The following DGKI variants were observed in gnomAD, a reference collection of about 807,000 sequenced individuals.
DGKI encodes the protein DAG kinase iota.
DGKI carries 55 observed loss-of-function variants against 147.5 expected under a neutral mutation model. That is an observed-to-expected ratio of 0.37 (90% CI 0.30 to 0.47). DGKI has a LOEUF of 0.47. Ranked by LOEUF, DGKI falls within the 20% of genes least tolerant of loss-of-function variation. DGKI has a pLI of 1.00. For missense variants in DGKI, 1,007 were observed against 1,323.8 expected (o/e 0.76, Z 3.71); for synonymous variants, 469 against 477.1 (o/e 0.98, Z 0.22).
intron 8 of DGKI, among the ~76,000 whole-genome samples, chr7:137,610,759 G>C (rs1820336708): frequency 6.6e-6 from 1 of 151,968 alleles, no homozygotes; most frequent in Non-Finnish European, 1.5e-5. Flanking sequence ...ATAATCTTTA[G>C]TATAAAGTAC....
chr7:137,737,478 TTGA>T (rs921595490), intron 1 of DGKI, among the ~76,000 whole-genome samples: 9 of 151,570 alleles, frequency 5.9e-5, no homozygotes, highest in Admixed American at 1.3e-4. Context: ...AGCAAAAACC[TTGA>T]TGATAATGGA....
intron 13 of DGKI, among the ~76,000 whole-genome samples, 173 bp from the exon 14 acceptor site, chr7:137,585,519 A>T (rs894443525): frequency 6.6e-6 from 1 of 152,260 alleles, no homozygotes; most frequent in African/African-American, 2.4e-5. Flanking sequence ...TACTATAAGT[A>T]AGATACATAG....
At chr7:137,692,748 C>CT (rs1321701240) in intron 1 of DGKI, among the ~76,000 whole-genome samples, 39 of 152,192 alleles carry the variant, frequency 2.6e-4, no homozygotes, top group Admixed American at 2.6e-3. Context: ...AAATCACACT[C>CT]TTTTCTAGCC....
At chr7:137,679,149 T>G (rs1001971239) in intron 2 of DGKI, among the ~76,000 whole-genome samples, 1 of 152,224 alleles carries the variant, frequency 6.6e-6, no homozygotes, top group African/African-American at 2.4e-5. Flanking sequence ...ATTATATTTC[T>G]AAGGGCAGAG....
At chr7:137,586,444 A>AT (rs1417749354) in intron 13 of DGKI, among the ~76,000 whole-genome samples, 4 of 151,848 alleles carry the variant, frequency 2.6e-5, no homozygotes, top group Non-Finnish European at 4.4e-5. Flanking sequence ...AAAAAAAAAA[A>AT]GTTGGTGGGG....
chr7:137,413,476 T>A (rs1812243276), intron 28 of DGKI, among the ~76,000 whole-genome samples: 1 of 152,086 alleles, frequency 6.6e-6, no homozygotes, highest in Non-Finnish European at 1.5e-5. Context: ...ATTGTTCCCA[T>A]CTTTGTGTCC....
At chr7:137,581,601 C>T (rs1819194695) in intron 15 of DGKI, among the ~76,000 whole-genome samples, 1 of 152,034 alleles carries the variant, frequency 6.6e-6, no homozygotes, top group African/African-American at 2.4e-5. Context: ...TCTAGTCCTG[C>T]CCTTTACTGT....
chr7:137,560,572 A>G (rs1260833738), intron 19 of DGKI, among the ~76,000 whole-genome samples: 2 of 147,396 alleles, frequency 1.4e-5, no homozygotes, highest in Non-Finnish European at 2.9e-5. Context: ...CACAAACCTC[A>G]TGGAGCAAAA....
At chr7:137,837,797 C>T (rs547987637) in intron 1 of DGKI, among the ~76,000 whole-genome samples, 1 of 152,190 alleles carries the variant, frequency 6.6e-6, no homozygotes, top group East Asian at 1.9e-4. Context: ...GTCTATGGGA[C>T]TTTGTTACAG....
intron 1 of DGKI, among the ~76,000 whole-genome samples, chr7:137,760,583 A>T (rs908560952): frequency 2.6e-5 from 4 of 152,174 alleles, no homozygotes; most frequent in Non-Finnish European, 5.9e-5. Flanking sequence ...AGCACCACTC[A>T]TGACAGCAAC....
intron 28 of DGKI, among the ~76,000 whole-genome samples, chr7:137,424,753 G>C (rs925893733): frequency 2.6e-5 from 4 of 152,212 alleles, no homozygotes; most frequent in African/African-American, 9.6e-5. Context: ...ACCTGGATTG[G>C]AGGGTCCTAC....
At chr7:137,594,985 C>T (rs1002322210) in intron 12 of DGKI, among the ~76,000 whole-genome samples, 9 of 152,176 alleles carry the variant, frequency 5.9e-5, no homozygotes, top group Non-Finnish European at 1.3e-4. Context: ...AAACGTACTA[C>T]TTTTATTTTA....
chr7:137,681,187 C>T (rs74913294), intron 2 of DGKI, among the ~76,000 whole-genome samples: 5 of 152,168 alleles, frequency 3.3e-5, no homozygotes, highest in Non-Finnish European at 5.9e-5. Flanking sequence ...AGGATCATTG[C>T]CCTCTACATC....
At chr7:137,512,052 A>G (rs922852217) in intron 21 of DGKI, among the ~76,000 whole-genome samples, 19 of 152,188 alleles carry the variant, frequency 1.2e-4, no homozygotes, top group Admixed American at 6.5e-5. Context: ...GAAATCCTCA[A>G]TAAAACCCTT....
intron 1 of DGKI, among the ~76,000 whole-genome samples, chr7:137,810,062 T>C (rs904005923): frequency 6.6e-6 from 1 of 152,216 alleles, no homozygotes; most frequent in Non-Finnish European, 1.5e-5. Context: ...GTGTAGGCAG[T>C]AGAAGGCTGA....
At chr7:137,628,852 C>A (rs1046247142) in intron 6 of DGKI, among the ~76,000 whole-genome samples, 3 of 151,992 alleles carry the variant, frequency 2.0e-5, no homozygotes, top group Admixed American at 2.0e-4. Flanking sequence ...AGGGCAGGTA[C>A]CAGAGGGCAC....
chr7:137,535,823 T>C (rs1044126531), intron 20 of DGKI, among the ~76,000 whole-genome samples: 3 of 152,278 alleles, frequency 2.0e-5, no homozygotes, highest in South Asian at 2.1e-4. Context: ...CTGTTACTAA[T>C]ATAAGAACAC....
intron 31 of DGKI, 30 bp downstream of exon 31, chr7:137,397,347 C>T (rs756447135): frequency 6.2e-7 from 1 of 1,605,336 alleles, no homozygotes; most frequent in South Asian, 1.1e-5. Flanking sequence ...AGAAAATAAC[C>T]TAGACTATGT....
At chr7:137,404,699 G>A (rs201784641) in intron 30 of DGKI, among the ~76,000 whole-genome samples, 4 of 152,084 alleles carry the variant, frequency 2.6e-5, no homozygotes, top group Non-Finnish European at 4.4e-5. Context: ...GTTTCTTCTC[G>A]TGAGCATAAA....
Sources: allele counts gnomAD v4.1 joint callset (sites outside exome capture counted in the v4.1 genomes callset), GRCh38; gene constraint gnomAD v4.1.1; transcripts MANE v1.5; gene names NCBI Gene and HGNC (gene_info 2026-07-23, HGNC 2026-07-21).